Variants in DELE1 observed in about 807,000 individuals in gnomAD.
DELE1 encodes the protein death ligand signal enhancer.
A neutral mutation model predicts 59.3 loss-of-function variants in DELE1; 54 were observed. The ratio of observed to expected loss-of-function variants is 0.91; its 90% CI spans 0.73 to 1.14. The LOEUF (loss-of-function observed/expected upper bound fraction) is 1.14. DELE1 is among the 50% of genes most tolerant of loss of function. The probability of loss-of-function intolerance (pLI) is 0.00; values close to 1 mark genes in which losing one functional copy is unlikely to be tolerated. For missense variants in DELE1, 636 were observed against 643.9 expected, an observed-to-expected ratio of 0.99 and a Z score of 0.13; for synonymous variants, 264 against 259.1, an observed-to-expected ratio of 1.02 and a Z score of -0.18.
chr5:141,924,791 T>A, intron 2 of DELE1, 96 bp downstream of exon 2: 1 of 783,246 alleles, frequency 1.3e-6, no homozygotes, highest in Non-Finnish European at 2.1e-6. Flanking sequence ...AGTCTCATTC[T>A]GTCGCCCAGG....
rs1382983169 is a variant in DELE1 at position 141,939,212 on chromosome 5, A to G, written c.*453A>G. 5 of 642,522 alleles carry G rather than the reference A, an allele frequency of 7.8e-6. No homozygotes were observed. In the African/African-American group the frequency reaches 9.9e-5, roughly 13 times the overall value. The allele number at this position is 642,522 out of a possible 1,614,324, so 39.8% of individuals were successfully genotyped here. A position where few individuals can be genotyped will look rare whatever the true frequency, so the allele number is the denominator to read the frequency against. ...TCAAATTAATATTTTCTATTTAGTT[A>G]TATATTTAATGTATAATATAAAAAT... is the stretch of plus-strand genomic sequence containing the variant. On this transcript the variant is annotated 3_prime_UTR_variant, in exon 12 of 12. Transcript: ENST00000432126.
Position 141,938,948 on chromosome 5 carries a change from A to C in DELE1, c.*189A>C. On this transcript the variant is annotated 3_prime_UTR_variant, in exon 12 of 12. Transcript: ENST00000432126. ...CCCCCGCTTGGTAGCCTCACAGATG[A>C]GTCTTGGATGCATTCACAGTCATTT... 1 of 1,420,358 alleles carries C rather than the reference A, an allele frequency of 7.0e-7. No individual in the cohort carries two copies. The highest frequency in any genetic ancestry group is 9.2e-7 in the Non-Finnish European group (1 of 1,090,966). 88.0% of individuals were successfully genotyped at this position (1,420,358 alleles called of 1,614,324 possible).
At chr5:141,928,064 C>T in intron 3 of DELE1, 87 bp from the exon 4 acceptor site, 1 of 1,473,668 alleles carries the variant, frequency 6.8e-7, no homozygotes, top group Non-Finnish European at 9.1e-7. Context: ...ACCTGGATTT[C>T]CTGAGGAAGT....
chr5:141,927,968 G>A (rs1472543636), intron 3 of DELE1, among the ~76,000 whole-genome samples, 183 bp from the exon 4 acceptor site: 1 of 152,254 alleles, frequency 6.6e-6, no homozygotes, highest in Non-Finnish European at 1.5e-5. Flanking sequence ...ATAAATAAAT[G>A]TAGAGATGAT....
chr5:141,939,557 T>G lies in DELE1; in HGVS notation c.*798T>G. 4 of 985,752 alleles carry G rather than the reference T, an allele frequency of 4.1e-6. No individual in the cohort carries two copies. Among genetic ancestry groups the G allele is most frequent in the Non-Finnish European group, 4.8e-6 (4 of 829,928 alleles). The allele number at this position is 985,752 out of a possible 1,614,324, so 61.1% of individuals were successfully genotyped here. On this transcript the variant is annotated 3_prime_UTR_variant, in exon 12 of 12. Coordinates refer to ENST00000432126, the MANE Select transcript of DELE1 (RefSeq NM_014773.5). Reference sequence around the variant, plus strand: ...GATGTGTCTGCTTGACTTTCAGAACTTCTCACCTCAGCCCTAAAGAGGGAG... The same window carrying G: ...GATGTGTCTGCTTGACTTTCAGAACGTCTCACCTCAGCCCTAAAGAGGGAG...
rs200196384 is a variant in DELE1 at position 141,924,609 on chromosome 5, C to G, written c.60C>G (p.Leu20=). The change falls in exon 2 of 12, where the codon CTC becomes CTG. Residue 20 remains leucine, a synonymous_variant. Transcript: ENST00000432126. The stretch of plus-strand genomic sequence containing the variant: ...TTCCCCGTACACTGGGACCTAGCCT[C>G]TGGAGGGTGACTCCTAAGTCCACCA... ...RALPRTLGPS[L]WRVTPKSTSP... is the part of the protein sequence containing the mutation. The G allele has an allele frequency of 1.8e-4, 292 of 1,613,864 alleles. No individual in the cohort carries two copies. The highest frequency in any genetic ancestry group is 2.4e-4 in the Non-Finnish European group (286 of 1,179,850).
Position 141,924,612 on chromosome 5 carries a change from G to A in DELE1, c.63G>A (p.Trp21Ter). ...CCCGTACACTGGGACCTAGCCTCTG[G>A]AGGGTGACTCCTAAGTCCACCAGCC... ...ALPRTLGPSL[W>*]RVTPKSTSPD... The change falls in exon 2 of 12, where the codon TGG becomes TGA. Residue 21 changes from tryptophan to a stop codon, truncating the protein, a stop_gained. Transcript: ENST00000432126. LOFTEE classifies it high-confidence loss of function. 6.2e-7 allele frequency: 1 copy of A among 1,613,970 alleles called. No homozygotes were observed. The highest frequency in any genetic ancestry group is 8.5e-7 in the Non-Finnish European group (1 of 1,179,848).
At chr5:141,927,901 C>T (rs1232219426) in intron 3 of DELE1, among the ~76,000 whole-genome samples, 1 of 152,144 alleles carries the variant, frequency 6.6e-6, no homozygotes, top group Non-Finnish European at 1.5e-5. Flanking sequence ...GTGAGTAAAA[C>T]ACACATGGTC....
Position 141,939,422 on chromosome 5 carries a change from C to T in DELE1, c.*663C>T. On this transcript the variant is annotated 3_prime_UTR_variant, in exon 12 of 12. Coordinates refer to ENST00000432126, the MANE Select transcript of DELE1 (RefSeq NM_014773.5). Reference sequence around the variant, plus strand: ...GACACTTAGGAAACTCTGAATTAGGCCATCCTCGAGACTAGCCCACCATTC... The same window carrying T: ...GACACTTAGGAAACTCTGAATTAGGTCATCCTCGAGACTAGCCCACCATTC... The T allele has an allele frequency of 2.0e-6, 2 of 985,794 alleles. No individual in the cohort carries two copies. Among genetic ancestry groups the T allele is most frequent in the Non-Finnish European group, 2.4e-6 (2 of 829,902 alleles). 61.1% of individuals were successfully genotyped at this position (985,794 alleles called of 1,614,324 possible).
At chr5:141,934,686 G>GA in intron 10 of DELE1, 100 bp downstream of exon 10, 1 of 1,166,056 alleles carries the variant, frequency 8.6e-7, no homozygotes, top group Non-Finnish European at 1.3e-6. Flanking sequence ...GAGATTGTTG[G>GA]ATAGGAGCCT....
rs1752763028 is a variant in DELE1, at chr5:141,941,904, A to C, written c.*3145A>C. The C allele has an allele frequency of 1.0e-6, 1 of 985,378 alleles. No individual in the cohort carries two copies. Among genetic ancestry groups the C allele is most frequent in the East Asian group, 1.1e-4 (1 of 8,814 alleles). 61.0% of individuals were successfully genotyped at this position (985,378 alleles called of 1,614,324 possible). A position where few individuals can be genotyped will look rare whatever the true frequency, so the allele number is the denominator to read the frequency against. ...GTACTTTAAGTAATTTGAATGAATAATTTTAAATAACTTGAATGAATAATT... is the reference window on the plus strand; with the variant it reads ...GTACTTTAAGTAATTTGAATGAATACTTTTAAATAACTTGAATGAATAATT... On this transcript the variant is annotated 3_prime_UTR_variant, in exon 12 of 12. Transcript: ENST00000432126.
rs1752666712 is a variant in DELE1, at chr5:141,940,430, GCCCA to G, written c.*1674_*1677del. On this transcript the variant is annotated 3_prime_UTR_variant, in exon 12 of 12. Coordinates refer to ENST00000432126, the MANE Select transcript of DELE1 (RefSeq NM_014773.5). ...GAGTGGGGTCTGGGAGGGATAGAGA[GCCCA>G]CCGCCCACCCCCCACAATCCCATGA... The G allele has an allele frequency of 4.6e-6, 1 of 217,266 alleles. No homozygotes were observed. The highest frequency in any genetic ancestry group is 5.0e-6 in the Non-Finnish European group (1 of 200,342). 13.5% of individuals were successfully genotyped at this position (217,266 alleles called of 1,614,324 possible).
In DELE1 at chr5:141,940,215, G is replaced by A. The variant is rs188841669; in HGVS notation, c.*1456G>A. The A allele has an allele frequency of 1.3e-3, 1,286 of 985,430 alleles. 4 individuals carry two copies. Among genetic ancestry groups the A allele is most frequent in the South Asian group, 1.8e-3 (38 of 21,290 alleles). The allele number at this position is 985,430 out of a possible 1,614,324, so 61.0% of individuals were successfully genotyped here. On this transcript the variant is annotated 3_prime_UTR_variant, in exon 12 of 12. Transcript: ENST00000432126. ...AGACGGGCAGGGGGAGCTGAAAGCTGAGGCTCCGTCCTCATCTCTAAACTC... is the reference window on the plus strand; with the variant it reads ...AGACGGGCAGGGGGAGCTGAAAGCTAAGGCTCCGTCCTCATCTCTAAACTC...
intron 2 of DELE1, among the ~76,000 whole-genome samples, 157 bp from the exon 3 acceptor site, chr5:141,925,253 G>A (rs536516447): frequency 2.6e-5 from 4 of 152,054 alleles, no homozygotes; most frequent in Non-Finnish European, 5.9e-5. Flanking sequence ...AGTAGAGATG[G>A]GGTTTCACCA....
chr5:141,924,836 A>G (rs1056166850), intron 2 of DELE1, 141 bp downstream of exon 2: 5 of 597,444 alleles, frequency 8.4e-6, no homozygotes, highest in East Asian at 2.9e-5. Flanking sequence ...GCTCACTGCA[A>G]CCTCCGCCTC....
At position 141,940,222 on chromosome 5, in the gene DELE1, C is replaced by T. The variant is rs914894864; in HGVS notation, c.*1463C>T. On this transcript the variant is annotated 3_prime_UTR_variant, in exon 12 of 12. Coordinates refer to ENST00000432126, the MANE Select transcript of DELE1 (RefSeq NM_014773.5). ...CAGGGGGAGCTGAAAGCTGAGGCTC[C>T]GTCCTCATCTCTAAACTCTCCACTA... The T allele has an allele frequency of 1.2e-4, 119 of 985,224 alleles. No individual in the cohort carries two copies. Among genetic ancestry groups the T allele is most frequent in the African/African-American group, 2.6e-4 (15 of 57,198 alleles). The allele number at this position is 985,224 out of a possible 1,614,324, so 61.0% of individuals were successfully genotyped here. A position where few individuals can be genotyped will look rare whatever the true frequency, so the allele number is the denominator to read the frequency against.
At chr5:141,936,780 C>G in intron 10 of DELE1, 1 of 726,378 alleles carries the variant, frequency 1.4e-6, no homozygotes. Context: ...TGTCAGCCCT[C>G]CCAGGCAGAG....
At position 141,925,379 on chromosome 5, in the gene DELE1, C is replaced by G. The variant is rs1751313773; in HGVS notation, c.147-31C>G. The G allele has an allele frequency of 2.0e-6, 3 of 1,480,512 alleles. No homozygotes were observed. In the African/African-American group the frequency reaches 4.3e-5, roughly 21 times the overall value. The allele number at this position is 1,480,512 out of a possible 1,614,324, so 91.7% of individuals were successfully genotyped here. A position where few individuals can be genotyped will look rare whatever the true frequency, so the allele number is the denominator to read the frequency against. On this transcript the variant is annotated intron_variant, in intron 2 of 11. Transcript: ENST00000432126. ...CCCAGTCCCTGGTCTCCCTTTGCCC[C>G]TACTTGATAGCCTCTTATTTCATCA... is the stretch of plus-strand genomic sequence containing the variant.
chr5:141,938,817 G>A lies in DELE1; in HGVS notation c.*58G>A. Reference sequence around the variant, plus strand: ...AGGGGCCAGAGCGGGCAGGAGGTTGGATAACAAAAATAGAGCATCAGCAAC... The same window carrying A: ...AGGGGCCAGAGCGGGCAGGAGGTTGAATAACAAAAATAGAGCATCAGCAAC... On this transcript the variant is annotated 3_prime_UTR_variant, in exon 12 of 12. Transcript: ENST00000432126. 6.5e-7 allele frequency: 1 copy of A among 1,529,716 alleles called. No homozygotes were observed. The highest frequency in any genetic ancestry group is 2.0e-4 in the Middle Eastern group (1 of 5,052). 94.8% of individuals were successfully genotyped at this position (1,529,716 alleles called of 1,614,324 possible).
Sources: allele counts gnomAD v4.1 joint callset (sites outside exome capture counted in the v4.1 genomes callset), GRCh38; gene constraint gnomAD v4.1.1; transcripts MANE v1.5; gene names NCBI Gene and HGNC (gene_info 2026-07-23, HGNC 2026-07-21).